Variants in MTOR observed in about 807,000 individuals in gnomAD.
MTOR encodes the protein mechanistic target of rapamycin kinase.
In MTOR, 70 loss-of-function variants were observed where a neutral mutation model predicts 319.8. The ratio of observed to expected loss-of-function variants is 0.22; its 90% CI spans 0.18 to 0.27. The LOEUF (loss-of-function observed/expected upper bound fraction) is 0.27. Among genes scored for constraint, MTOR ranks in the 10% least tolerant of loss-of-function variants. MTOR has a pLI of 1.00. For synonymous variants in MTOR, 1,183 were observed against 1,211.4 expected (o/e 0.98, Z 0.49); for missense variants, 1,890 against 3,274.4 (o/e 0.58, Z 10.32).
At chr1:11,122,784 G>C (rs1327308887) in intron 47 of MTOR, among the ~76,000 whole-genome samples, 2 of 152,156 alleles carry the variant, frequency 1.3e-5, no homozygotes, top group Non-Finnish European at 2.9e-5. Context: ...TGGGATTACA[G>C]GCGTGAGCCA....
At chr1:11,242,046 ATTC>A (rs895416860) in intron 9 of MTOR, among the ~76,000 whole-genome samples, 74 of 152,134 alleles carry the variant, frequency 4.9e-4, no homozygotes, top group African/African-American at 1.7e-3. Flanking sequence ...ATGGAAAGAA[ATTC>A]TTCTATGATG....
intron 38 of MTOR, chr1:11,131,637 C>G: frequency 6.6e-6 from 1 of 152,250 alleles, no homozygotes. Context: ...GAAGGAAGAA[C>G]CGCTGGTGCT....
Position 11,121,474 on chromosome 1 carries a change from C to A in MTOR, c.6811-106G>T. The A allele has an allele frequency of 1.4e-6, 2 of 1,425,010 alleles. No individual in the cohort carries two copies. The highest frequency in any genetic ancestry group is 9.6e-7 in the Non-Finnish European group (1 of 1,044,434). The allele number at this position is 1,425,010 out of a possible 1,614,324, so 88.3% of individuals were successfully genotyped here. A position where few individuals can be genotyped will look rare whatever the true frequency, so the allele number is the denominator to read the frequency against. On this transcript the variant is annotated intron_variant, in intron 48 of 57. Coordinates refer to ENST00000361445, the MANE Select transcript of MTOR (RefSeq NM_004958.4). This position sits in a 1 kb window ranked among gnomAD's most constrained non-coding sequence, Gnocchi z 4.9. ...CCAGGCAGAGCTGAGTTCTAATTTCCCCATCATAGCCAAAGGAGAAGGGAA... is the reference window on the plus strand; with the variant it reads ...CCAGGCAGAGCTGAGTTCTAATTTCACCATCATAGCCAAAGGAGAAGGGAA...
intron 28 of MTOR, chr1:11,194,565 G>A: frequency 6.2e-7 from 1 of 1,614,158 alleles, no homozygotes; most frequent in East Asian, 2.2e-5. Context: ...GCAATGTGGG[G>A]AACGACGCCC....
intron 28 of MTOR, among the ~76,000 whole-genome samples, chr1:11,168,731 C>T (rs1644722017): frequency 1.3e-5 from 2 of 152,346 alleles, no homozygotes; most frequent in Admixed American, 1.3e-4. Flanking sequence ...TGGGCAGTGC[C>T]ACTGGGAGGC....
intron 28 of MTOR, among the ~76,000 whole-genome samples, chr1:11,188,376 T>C (rs989761891): frequency 2.6e-5 from 4 of 152,182 alleles, no homozygotes; most frequent in Non-Finnish European, 5.9e-5. Context: ...TACAAAGTCA[T>C]ATACAAATAG....
intron 26 of MTOR, among the ~76,000 whole-genome samples, chr1:11,201,014 CAAAAAAA>C (rs55986489): frequency 1.8e-5 from 2 of 109,378 alleles, no homozygotes; most frequent in African/African-American, 3.3e-5. Context: ...GACTCTGTTT[CAAAAAAA>C]AAAAAAAAAT....
intron 19 of MTOR, among the ~76,000 whole-genome samples, chr1:11,217,002 T>TGG (rs1317447033): frequency 6.6e-6 from 1 of 152,232 alleles, no homozygotes; most frequent in Non-Finnish European, 1.5e-5. Context: ...TACCTTTTGT[T>TGG]TATTTGGCTC....
Position 11,106,610 on chromosome 1 carries a change from C to G in MTOR, c.*875G>C. The G allele has an allele frequency of 1.8e-6, 2 of 1,088,032 alleles. No individual in the cohort carries two copies. Among genetic ancestry groups the G allele is most frequent in the Non-Finnish European group, 2.2e-6 (2 of 892,252 alleles). The allele number at this position is 1,088,032 out of a possible 1,614,324, so 67.4% of individuals were successfully genotyped here. A position where few individuals can be genotyped will look rare whatever the true frequency, so the allele number is the denominator to read the frequency against. On this transcript the variant is annotated 3_prime_UTR_variant, in exon 58 of 58. Transcript: ENST00000361445. ...AACATGGTGTCTAGACATGGCTACACTTTATACTTTGTGCATTTAGTTGAG... is the reference window on the plus strand; with the variant it reads ...AACATGGTGTCTAGACATGGCTACAGTTTATACTTTGTGCATTTAGTTGAG...
chr1:11,189,889 G>A (rs773979515), intron 28 of MTOR: 9 of 1,613,974 alleles, frequency 5.6e-6, no homozygotes, highest in African/African-American at 4.0e-5. Context: ...CAAGTACTCC[G>A]AGATGAACAA....
chr1:11,154,925 C>T (rs772563634), intron 30 of MTOR, among the ~76,000 whole-genome samples: 2 of 151,852 alleles, frequency 1.3e-5, no homozygotes, highest in Non-Finnish European at 2.9e-5. Context: ...GAGGGAGGAT[C>T]GCTTGAACCC....
rs1403372273 is a variant in MTOR at position 11,150,155 on chromosome 1, C to T, written c.4541G>A (p.Arg1514Gln). 4 of 1,613,890 alleles carry T rather than the reference C, an allele frequency of 2.5e-6. No homozygotes were observed. Among genetic ancestry groups the T allele is most frequent in the Middle Eastern group, 1.6e-4 (1 of 6,074 alleles). ...ACCCCATGCAGCTGCAGCAGCCATC[C>T]GGGCCATCTTGGCTTGGGTCTCATC... ...VNDETQAKMA[R>Q]MAAAAAWGLG... is the part of the protein sequence containing the mutation. The change falls in exon 31 of 58, where the codon CGG (arginine) becomes CAG (glutamine). Residue 1514 changes from arginine to glutamine, a missense_variant. Physicochemically the swap from Arg to Gln is conservative, Grantham distance 43. This residue lies in a region of MTOR where 276 missense variants were observed against 459.4 expected (regional missense o/e 0.60). Coordinates refer to ENST00000361445, the MANE Select transcript of MTOR (RefSeq NM_004958.4).
chr1:11,236,137 C>CTTT lies in MTOR; in HGVS notation c.2208+1703_2208+1705dup, dbSNP rs1224891837. Among the ~76,000 whole-genome samples the CTTT allele has an allele frequency of 1.2e-4, 16 of 138,382 alleles. No homozygotes were observed. The South Asian group carries it at 3.7e-3, about 32-fold the overall frequency. The allele number at this position is 138,382 out of a possible 152,430, so 90.8% of individuals were successfully genotyped here. A position where few individuals can be genotyped will look rare whatever the true frequency, so the allele number is the denominator to read the frequency against. ...ATTAGGAGGTATTTCTTATTTTTTC[C>CTTT]TTTTTTTTTTTTTTTTTGAGATAGG... On this transcript the variant is annotated intron_variant, in intron 13 of 57. Coordinates refer to ENST00000361445, the MANE Select transcript of MTOR (RefSeq NM_004958.4).
Position 11,109,715 on chromosome 1 carries a change from C to T in MTOR, c.7381G>A (p.Val2461Met). Residue 2461 changes from valine to methionine, a missense_variant, in exon 55 of 58, where the codon GTG becomes ATG. Around this residue, in one of 15 missense-constraint regions of MTOR, gnomAD observed 49 missense variants for 67.6 expected, o/e 0.72. Coordinates refer to ENST00000361445, the MANE Select transcript of MTOR (RefSeq NM_004958.4). This position sits in a 1 kb window ranked among gnomAD's most constrained non-coding sequence, Gnocchi z 4.0. ...TTATGGGCTGGCTCTCCAAGTTCCACACCGTCCAAAATTTCTATGGGAAAA... is the reference window on the plus strand; with the variant it reads ...TTATGGGCTGGCTCTCCAAGTTCCATACCGTCCAAAATTTCTATGGGAAAA... Reference protein sequence around the residue: ...AGQSVEILDGVELGEPAHKKT... With the variant: ...AGQSVEILDGMELGEPAHKKT... The T allele has an allele frequency of 6.2e-7, 1 of 1,614,178 alleles. No individual in the cohort carries two copies. Among genetic ancestry groups the T allele is most frequent in the Admixed American group, 1.7e-5 (1 of 60,022 alleles).
intron 26 of MTOR, among the ~76,000 whole-genome samples, chr1:11,201,856 G>T (rs1475667798): frequency 6.6e-6 from 1 of 152,122 alleles, no homozygotes; most frequent in Admixed American, 6.5e-5. Context: ...ATCTAGGCTG[G>T]AATGCAGGGG....
rs1642935016 is a variant in MTOR at position 11,128,089 on chromosome 1, G to A, written c.5948C>T (p.Thr1983Ile). 6.2e-7 allele frequency: 1 copy of A among 1,614,214 alleles called. No homozygotes were observed. The highest frequency in any genetic ancestry group is 8.5e-7 in the Non-Finnish European group (1 of 1,180,050). ...IYPLTVASKS[T>I]TTARHNAANK... ...GGCTGCATTGTGCCGGGCTGTCGTG[G>A]TAGACTTAGAAGCCACTGTCAGTGG... The change falls in exon 43 of 58, where the codon ACC becomes ATC. Residue 1983 changes from threonine to isoleucine, a missense_variant. By Grantham distance (89) the Thr-to-Ile change is moderately conservative (BLOSUM62 -1). Transcript: ENST00000361445. The surrounding 1 kb of genome is among the most constrained non-coding windows in gnomAD (Gnocchi z 5.3).
At chr1:11,189,851 T>A (rs777629366) in intron 28 of MTOR, 1 of 1,614,202 alleles carries the variant, frequency 6.2e-7, no homozygotes, top group Non-Finnish European at 8.5e-7. Flanking sequence ...AGCAAGCGCA[T>A]GGAGTCGCGG....
At chr1:11,236,449 T>C (rs1419497247) in intron 13 of MTOR, among the ~76,000 whole-genome samples, 2 of 151,106 alleles carry the variant, frequency 1.3e-5, no homozygotes, top group Admixed American at 6.6e-5. Context: ...GTTTAGGAGA[T>C]ATTTCTACGC....
At chr1:11,190,178 T>C (rs1441819614) in intron 28 of MTOR, among the ~76,000 whole-genome samples, 1 of 152,346 alleles carries the variant, frequency 6.6e-6, no homozygotes, top group South Asian at 2.1e-4. Flanking sequence ...GCCTACCATC[T>C]TGGAGTGCTG....
Sources: allele counts gnomAD v4.1 joint callset (sites outside exome capture counted in the v4.1 genomes callset), GRCh38; gene constraint gnomAD v4.1.1; regional missense constraint gnomAD v4.1.1; non-coding constraint Gnocchi (gnomAD v3.1); transcripts MANE v1.5; gene names NCBI Gene and HGNC (gene_info 2026-07-23, HGNC 2026-07-21).